Variants in SYTL3 observed in about 807,000 individuals in gnomAD.
The protein encoded by SYTL3 is synaptotagmin-like protein 3.
Under a neutral mutation model 82.1 loss-of-function variants are expected in SYTL3, and 88 were observed. The ratio of observed to expected loss-of-function variants is 1.07; its 90% CI spans 0.90 to 1.28. SYTL3 has a LOEUF of 1.28. Ranked by LOEUF, SYTL3 falls within the 50% of genes most tolerant of loss-of-function variation. The probability of loss-of-function intolerance (pLI) is 0.00; values close to 1 mark genes in which losing one functional copy is unlikely to be tolerated. For missense variants in SYTL3, 831 were observed against 757.6 expected, an observed-to-expected ratio of 1.10 and a Z score of -1.14; for synonymous variants, 311 against 289.4, an observed-to-expected ratio of 1.07 and a Z score of -0.76.
intron 5 of SYTL3, among the ~76,000 whole-genome samples, chr6:158,667,820 T>A (rs317800): frequency 6.6e-6 from 1 of 152,152 alleles, no homozygotes; most frequent in African/African-American, 2.4e-5. Context: ...TTGGCCCTGA[T>A]CTTGTGTTGA....
chr6:158,713,511 G>A (rs2055628792), intron 8 of SYTL3, among the ~76,000 whole-genome samples: 1 of 152,150 alleles, frequency 6.6e-6, no homozygotes, highest in African/African-American at 2.4e-5. Context: ...TCATTTCCCA[G>A]GGGTACTTGT....
chr6:158,752,091 G>A (rs1012445506), intron 13 of SYTL3, 61 bp downstream of exon 13: 8 of 1,218,922 alleles, frequency 6.6e-6, no homozygotes, highest in Non-Finnish European at 9.0e-6. Context: ...AGCGCCTGGG[G>A]CAGAGTCCAG....
intron 12 of SYTL3, among the ~76,000 whole-genome samples, chr6:158,750,385 A>G (rs1788247107): frequency 6.6e-6 from 1 of 152,196 alleles, no homozygotes. Context: ...ACTTTATTAT[A>G]ATGCTTCCAA....
intron 6 of SYTL3, among the ~76,000 whole-genome samples, chr6:158,684,471 A>G (rs2128409869): frequency 6.6e-6 from 1 of 152,170 alleles, no homozygotes; most frequent in South Asian, 2.1e-4. Context: ...GGGCATCAGG[A>G]CAAAGGCGCA....
At chr6:158,666,538 G>A (rs1009017817) in intron 5 of SYTL3, among the ~76,000 whole-genome samples, 3 of 152,130 alleles carry the variant, frequency 2.0e-5, no homozygotes, top group Non-Finnish European at 2.9e-5. Context: ...TGGGGGAGAC[G>A]GTGCACAAGG....
At chr6:158,674,551 C>T (rs1244334904) in intron 5 of SYTL3, among the ~76,000 whole-genome samples, 1 of 152,248 alleles carries the variant, frequency 6.6e-6, no homozygotes, top group Non-Finnish European at 1.5e-5. Context: ...CGGTTGCCCA[C>T]AGAGAGCGTG....
chr6:158,744,038 C>A (rs2128510141), intron 11 of SYTL3, among the ~76,000 whole-genome samples: 1 of 152,160 alleles, frequency 6.6e-6, no homozygotes, highest in South Asian at 2.1e-4. Flanking sequence ...TATGCCTCAG[C>A]CTCCCAAGTA....
chr6:158,751,977 A>T lies in SYTL3; in HGVS notation c.1084A>T (p.Lys362Ter). ...LPDRSSQGKR[K>*]TGVQRNTVDP... is the part of the protein sequence containing the mutation. ...CGACAGATCCTCCCAGGGAAAGCGC[A>T]AGACTGGAGTCCAAAGGAACACCGT... Residue 362 changes from lysine to a stop codon, truncating the protein, a stop_gained, in exon 13 of 18, where the codon AAG (lysine) becomes TAG (stop). Coordinates refer to ENST00000611299, the MANE Select transcript of SYTL3 (RefSeq NM_001242394.2). LOFTEE classifies it high-confidence loss of function. 3 of 1,602,854 alleles carry T rather than the reference A, an allele frequency of 1.9e-6. No individual in the cohort carries two copies. Among genetic ancestry groups the T allele is most frequent in the Non-Finnish European group, 2.6e-6 (3 of 1,175,224 alleles).
At chr6:158,702,825 C>T (rs1781473260) in intron 6 of SYTL3, among the ~76,000 whole-genome samples, 1 of 151,822 alleles carries the variant, frequency 6.6e-6, no homozygotes, top group South Asian at 2.1e-4. Flanking sequence ...TGACTTTGGG[C>T]CCATGACACC....
chr6:158,675,413 T>C (rs1271045335), intron 5 of SYTL3, among the ~76,000 whole-genome samples: 1 of 152,244 alleles, frequency 6.6e-6, no homozygotes, highest in African/African-American at 2.4e-5. Flanking sequence ...TCAATCACAA[T>C]GATCAGTCTT....
intron 8 of SYTL3, among the ~76,000 whole-genome samples, chr6:158,710,869 C>T (rs1241807670): frequency 1.3e-5 from 2 of 152,012 alleles, no homozygotes; most frequent in African/African-American, 2.4e-5. Flanking sequence ...CACCCTCCAC[C>T]TCCCGGGTTC....
intron 10 of SYTL3, among the ~76,000 whole-genome samples, chr6:158,724,781 G>A (rs1012610081): frequency 6.6e-6 from 1 of 152,234 alleles, no homozygotes; most frequent in African/African-American, 2.4e-5. Flanking sequence ...TTGGAAGGCT[G>A]AGGCATGTGG....
At chr6:158,734,122 A>G (rs1583419461) in intron 11 of SYTL3, among the ~76,000 whole-genome samples, 1 of 145,492 alleles carries the variant, frequency 6.9e-6, no homozygotes, top group South Asian at 2.2e-4. Context: ...AAAAAGAAGC[A>G]CCCTTTCTGC....
chr6:158,757,655 C>T (rs1583502622), intron 14 of SYTL3, among the ~76,000 whole-genome samples: 1 of 152,222 alleles, frequency 6.6e-6, no homozygotes. Flanking sequence ...CTGTGGCTTC[C>T]CCTGGCGGAG....
At chr6:158,701,547 T>TG (rs149261092) in intron 6 of SYTL3, among the ~76,000 whole-genome samples, 3,082 of 34,016 alleles carry the variant, frequency 0.091, 377 homozygotes, top group African/African-American at 0.35. Context: ...AGAGCTGTTC[T>TG]GGGGGGGAGG....
Position 158,761,354 on chromosome 6 carries a change from G to C in SYTL3, c.1414+609G>C, listed in dbSNP as rs549540656. Among the ~76,000 whole-genome samples, 7 of 142,172 alleles carry C rather than the reference G, an allele frequency of 4.9e-5. No individual in the cohort carries two copies. The South Asian group carries it at 1.2e-3, about 23-fold the overall frequency. 93.3% of individuals were successfully genotyped at this position (142,172 alleles called of 152,430 possible). A position where few individuals can be genotyped will look rare whatever the true frequency, so the allele number is the denominator to read the frequency against. ...GTTTTGCTCTGTCACCCAGGCTGGAGTGCAGTGGCCCGATCTTGGCTCACT... is the reference window on the plus strand; with the variant it reads ...GTTTTGCTCTGTCACCCAGGCTGGACTGCAGTGGCCCGATCTTGGCTCACT... On this transcript the variant is annotated intron_variant, in intron 15 of 17. Coordinates refer to ENST00000611299, the MANE Select transcript of SYTL3 (RefSeq NM_001242394.2).
intron 2 of SYTL3, among the ~76,000 whole-genome samples, chr6:158,658,839 G>A (rs1562341612): frequency 6.6e-6 from 1 of 152,168 alleles, no homozygotes; most frequent in Non-Finnish European, 1.5e-5. Context: ...TGAGGCAGGA[G>A]AATCACTTGA....
At chr6:158,689,491 T>G (rs1009484943) in intron 6 of SYTL3, among the ~76,000 whole-genome samples, 3 of 152,248 alleles carry the variant, frequency 2.0e-5, no homozygotes, top group African/African-American at 4.8e-5. Context: ...GTACATGGCC[T>G]TCTTTATAAT....
At position 158,653,761 on chromosome 6, in the gene SYTL3, C is replaced by T. The variant is rs531939065; in HGVS notation, c.-637+1919C>T. 5.9e-5 allele frequency among the ~76,000 whole-genome samples: 9 copies of T among 152,310 alleles called. No individual in the cohort carries two copies. The East Asian group carries it at 1.4e-3, about 23-fold the overall frequency. ...ACGTTCTGTAGTCTTCCCTTGAAAGCGTGTGTGGTGATGACAGTCACATTC... is the reference window on the plus strand; with the variant it reads ...ACGTTCTGTAGTCTTCCCTTGAAAGTGTGTGTGGTGATGACAGTCACATTC... On this transcript the variant is annotated intron_variant, in intron 2 of 17. Coordinates refer to ENST00000611299, the MANE Select transcript of SYTL3 (RefSeq NM_001242394.2).
Sources: allele counts gnomAD v4.1 joint callset (sites outside exome capture counted in the v4.1 genomes callset), GRCh38; gene constraint gnomAD v4.1.1; transcripts MANE v1.5; gene names NCBI Gene and HGNC (gene_info 2026-07-23, HGNC 2026-07-21).